The following IRAK3 variants were observed in gnomAD, a reference collection of about 807,000 sequenced individuals.
IRAK3 encodes interleukin-1 receptor-associated kinase 3.
Under a neutral mutation model 56.6 loss-of-function variants are expected in IRAK3, and 57 were observed. That is an observed-to-expected ratio of 1.01 (90% CI 0.81 to 1.26). The LOEUF (loss-of-function observed/expected upper bound fraction) is 1.26, where lower values mean the gene tolerates loss of function less well. Among genes scored for constraint, IRAK3 ranks in the 50% most tolerant of loss-of-function variants. The pLI is 0.00. For synonymous variants in IRAK3, 258 were observed against 255.7 expected (o/e 1.01, Z -0.09); for missense variants, 703 against 719.0 (o/e 0.98, Z 0.25).
intron 8 of IRAK3, chr12:66,234,325 G>A: frequency 6.2e-7 from 1 of 1,612,746 alleles, no homozygotes. Context: ...GCTCCATTGA[G>A]GGAGTTAACA....
chr12:66,215,788 A>ACGTGCACGTGCGCGCACGCG (rs375264640), intron 5 of IRAK3, among the ~76,000 whole-genome samples: 1 of 131,612 alleles, frequency 7.6e-6, no homozygotes, highest in Non-Finnish European at 1.7e-5. Context: ...CCCAACATGC[A>ACGTGCACGTGCGCGCACGCG]CACACACACA....
chr12:66,247,742 A>C lies in IRAK3; in HGVS notation c.1362A>C (p.Glu454Asp), dbSNP rs576840693. 2.8e-5 allele frequency: 46 copies of C among 1,614,186 alleles called. 1 individual carries two copies. In the South Asian group the frequency reaches 4.9e-4, roughly 17 times the overall value. The stretch of plus-strand genomic sequence containing the variant: ...CTCAAGCCAGCTTGTATTTTGCTGA[A>C]GATCCTCCCACATCACTAAAGTCCT... ...ESTQASLYFAEDPPTSLKSFR... is the reference protein window; with the variant it reads ...ESTQASLYFADDPPTSLKSFR... The change falls in exon 12 of 12, where the codon GAA becomes GAC. Residue 454 changes from glutamate to aspartate, a missense_variant. Coordinates refer to ENST00000261233, the MANE Select transcript of IRAK3 (RefSeq NM_007199.3).
At chr12:66,203,454 G>T (rs1020338550) in intron 1 of IRAK3, among the ~76,000 whole-genome samples, 1 of 152,136 alleles carries the variant, frequency 6.6e-6, no homozygotes, top group African/African-American at 2.4e-5. Flanking sequence ...CAGAAAAGAG[G>T]CATTAGTGGA....
chr12:66,240,259 G>A (rs2052953033), intron 8 of IRAK3, among the ~76,000 whole-genome samples: 1 of 152,164 alleles, frequency 6.6e-6, no homozygotes, highest in African/African-American at 2.4e-5. Context: ...GCTTAGGGGG[G>A]TTGTGCTAGT....
intron 8 of IRAK3, chr12:66,234,426 G>A: frequency 6.2e-7 from 1 of 1,611,226 alleles, no homozygotes; most frequent in Non-Finnish European, 8.5e-7. Context: ...ACAATATAGG[G>A]TGTAATAGAA....
In IRAK3 at chr12:66,203,268, A is replaced by G. The variant is rs1186975306; in HGVS notation, c.134-443A>G. Reference sequence around the variant, plus strand: ...CCTTCACTGAATGATAAAAATAAACATTATTATTGATAAGACATTGCTATC... The same window carrying G: ...CCTTCACTGAATGATAAAAATAAACGTTATTATTGATAAGACATTGCTATC... On this transcript the variant is annotated intron_variant, in intron 1 of 11. Coordinates refer to ENST00000261233, the MANE Select transcript of IRAK3 (RefSeq NM_007199.3). Among the ~76,000 whole-genome samples the G allele has an allele frequency of 4.6e-5, 7 of 152,178 alleles. 1 individual carries two copies. The highest frequency in any genetic ancestry group is 1.7e-4 in the African/African-American group (7 of 41,450).
intron 2 of IRAK3, among the ~76,000 whole-genome samples, chr12:66,204,122 GT>G (rs1264012034): frequency 2.6e-5 from 4 of 151,574 alleles, no homozygotes; most frequent in Non-Finnish European, 4.4e-5. Flanking sequence ...TTATAGTTTT[GT>G]TTTTTTAACT....
At chr12:66,242,735 C>T (rs190966195) in intron 8 of IRAK3, among the ~76,000 whole-genome samples, 5 of 152,276 alleles carry the variant, frequency 3.3e-5, no homozygotes, top group Admixed American at 2.0e-4. Flanking sequence ...CCACCCTTAG[C>T]GGAAGGAGGA....
intron 5 of IRAK3, among the ~76,000 whole-genome samples, chr12:66,215,856 A>T (rs2052670927): frequency 6.6e-6 from 1 of 151,452 alleles, no homozygotes; most frequent in South Asian, 2.1e-4. Context: ...AGAGCATTTA[A>T]TGAAGCCTTA....
chr12:66,244,395 A>G, intron 8 of IRAK3, 91 bp from the exon 9 acceptor site: 1 of 885,228 alleles, frequency 1.1e-6, no homozygotes. Context: ...CGAATTAACC[A>G]GATATGAAGA....
chr12:66,215,820 A>ACG (rs1565804061), intron 5 of IRAK3, among the ~76,000 whole-genome samples: 5 of 148,038 alleles, frequency 3.4e-5, no homozygotes, highest in African/African-American at 1.1e-4. Flanking sequence ...ACACACACAC[A>ACG]CACACACACT....
intron 8 of IRAK3, among the ~76,000 whole-genome samples, chr12:66,232,604 C>T (rs2052855183): frequency 6.6e-6 from 1 of 152,178 alleles, no homozygotes; most frequent in Non-Finnish European, 1.5e-5. Context: ...CTAGATTACC[C>T]TCCTGAATCT....
intron 5 of IRAK3, among the ~76,000 whole-genome samples, chr12:66,215,824 A>ACACAC (rs2052670070): frequency 6.6e-6 from 1 of 150,568 alleles, no homozygotes; most frequent in South Asian, 2.1e-4. Flanking sequence ...ACACACACAC[A>ACACAC]CACACTTATC....
chr12:66,216,049 G>T (rs1305539570), intron 5 of IRAK3, among the ~76,000 whole-genome samples: 1 of 152,076 alleles, frequency 6.6e-6, no homozygotes, highest in South Asian at 2.1e-4. Context: ...CAGGAGCCCT[G>T]GATTTGCCAT....
chr12:66,206,201 T>C (rs2052556682), intron 2 of IRAK3, among the ~76,000 whole-genome samples: 1 of 152,186 alleles, frequency 6.6e-6, no homozygotes, highest in African/African-American at 2.4e-5. Context: ...TCACATTTTT[T>C]TCTACACAAA....
At chr12:66,217,882 T>C (rs531794591) in intron 6 of IRAK3, among the ~76,000 whole-genome samples, 2 of 152,310 alleles carry the variant, frequency 1.3e-5, no homozygotes, top group South Asian at 2.1e-4. Flanking sequence ...GGCATTATAC[T>C]GAATCCATTT....
In IRAK3 at chr12:66,245,208, T is replaced by G. The variant is rs769411219; in HGVS notation, c.1260T>G (p.Cys420Trp). 3 of 1,614,052 alleles carry G rather than the reference T, an allele frequency of 1.9e-6. No individual in the cohort carries two copies. The African/African-American group carries it at 4.0e-5, about 22-fold the overall frequency. The change falls in exon 11 of 12, where the codon TGT (cysteine) becomes TGG (tryptophan). Residue 420 changes from cysteine (C) to tryptophan (W), a missense_variant. Cys to Trp is a radical substitution (Grantham distance 215). Transcript: ENST00000261233. ...CPRNFSAKLF[C>W]LAGRCAATRA... ...GGAATTTCTCTGCCAAGCTCTTCTGTTTGGCAGGCCGGTGTGCTGCAACGC... is the reference window on the plus strand; with the variant it reads ...GGAATTTCTCTGCCAAGCTCTTCTGGTTGGCAGGCCGGTGTGCTGCAACGC...
Position 66,254,417 on chromosome 12 carries a change from T to A in IRAK3, c.*6246T>A, listed in dbSNP as rs976596972. Reference sequence around the variant, plus strand: ...AAAAAGTAGACTACAGGATATATGTTGAATATGAGCTCATTTATAACATTG... The same window carrying A: ...AAAAAGTAGACTACAGGATATATGTAGAATATGAGCTCATTTATAACATTG... On this transcript the variant is annotated 3_prime_UTR_variant, in exon 12 of 12. Transcript: ENST00000261233. 1 of 152,172 alleles carries A rather than the reference T, an allele frequency of 6.6e-6. No individual in the cohort carries two copies. Among genetic ancestry groups the A allele is most frequent in the African/African-American group, 2.4e-5 (1 of 41,472 alleles). The allele number at this position is 152,172 out of a possible 1,614,324, so 9.4% of individuals were successfully genotyped here.
chr12:66,244,926 A>G, intron 9 of IRAK3, 22 bp from the exon 10 acceptor site: 2 of 1,555,300 alleles, frequency 1.3e-6, no homozygotes, highest in South Asian at 2.2e-5. Context: ...TATATAGCTG[A>G]CTTTCTATAT....
Sources: gnomAD v4.1 joint callset for allele counts (sites outside exome capture counted in the v4.1 genomes callset) on GRCh38, gnomAD v4.1.1 for gene constraint, MANE v1.5 for transcripts, NCBI Gene and HGNC (gene_info 2026-07-23, HGNC 2026-07-21) for gene names.